Variants in KIF18A observed in about 807,000 individuals in gnomAD.
KIF18A encodes the protein kinesin-like protein KIF18A.
In KIF18A, 67 loss-of-function variants were observed where a neutral mutation model predicts 103.3. That is an observed-to-expected ratio of 0.65 (90% CI 0.53 to 0.79). The LOEUF (loss-of-function observed/expected upper bound fraction) is 0.79, where lower values mean the gene tolerates loss of function less well. KIF18A is among the 30% of genes least tolerant of loss of function. The pLI is 0.00. For missense variants in KIF18A, 1,032 were observed against 1,062.5 expected (o/e 0.97, Z 0.40); for synonymous variants, 367 against 355.5 (o/e 1.03, Z -0.36).
intron 10 of KIF18A, among the ~76,000 whole-genome samples, chr11:28,075,533 T>A (rs2133545297): frequency 6.6e-6 from 1 of 152,328 alleles, no homozygotes; most frequent in South Asian, 2.1e-4. Flanking sequence ...AAGTTTCATG[T>A]GTTTTTTACC....
At chr11:28,083,543 C>T (rs746590916) in intron 7 of KIF18A, among the ~76,000 whole-genome samples, 1 of 152,062 alleles carries the variant, frequency 6.6e-6, no homozygotes, top group Non-Finnish European at 1.5e-5. Flanking sequence ...GTTTTTCATG[C>T]TACCCTTTCA....
intron 6 of KIF18A, among the ~76,000 whole-genome samples, chr11:28,085,834 C>G (rs1364264395): frequency 6.6e-6 from 1 of 152,112 alleles, no homozygotes; most frequent in African/African-American, 2.4e-5. Flanking sequence ...TGCCAAGTCC[C>G]GTAGGGCTTG....
chr11:28,035,208 T>C (rs1358856057), intron 15 of KIF18A, among the ~76,000 whole-genome samples, 179 bp downstream of exon 15: 1 of 151,158 alleles, frequency 6.6e-6, no homozygotes, highest in Non-Finnish European at 1.5e-5. Context: ...AATACTTGAG[T>C]TTTTCAAGAT....
chr11:28,072,904 T>C (rs1464273824), intron 10 of KIF18A, among the ~76,000 whole-genome samples: 1 of 152,084 alleles, frequency 6.6e-6, no homozygotes, highest in Non-Finnish European at 1.5e-5. Context: ...TACTTTGGGA[T>C]TACATAGTCC....
intron 2 of KIF18A, 45 bp from the exon 3 acceptor site, chr11:28,094,845 A>C: frequency 6.4e-7 from 1 of 1,562,750 alleles, no homozygotes; most frequent in Non-Finnish European, 8.8e-7. Flanking sequence ...TATGAAATAT[A>C]ACTCTATTAT....
At chr11:28,066,369 C>A (rs1034972454) in intron 11 of KIF18A, among the ~76,000 whole-genome samples, 1 of 151,922 alleles carries the variant, frequency 6.6e-6, no homozygotes, top group Admixed American at 6.6e-5. Context: ...AACAACATAA[C>A]CATATTTCAG....
intron 15 of KIF18A, among the ~76,000 whole-genome samples, chr11:28,028,819 A>AG (rs1289503221): frequency 6.6e-6 from 1 of 152,202 alleles, no homozygotes; most frequent in Non-Finnish European, 1.5e-5. Context: ...AGAATCAAAT[A>AG]GACACAATAA....
At chr11:28,023,949 C>T (rs1850279386) in intron 15 of KIF18A, 99 bp from the exon 16 acceptor site, 2 of 533,756 alleles carry the variant, frequency 3.7e-6, no homozygotes, top group Admixed American at 3.6e-5. Flanking sequence ...AAATAAAACA[C>T]AAAAATATTA....
Position 28,105,735 on chromosome 11 carries a change from A to G in KIF18A, c.-47+2329T>C, listed in dbSNP as rs745753686. Among the ~76,000 whole-genome samples, 4 of 152,318 alleles carry G rather than the reference A, an allele frequency of 2.6e-5. No individual in the cohort carries two copies. The South Asian group carries it at 6.2e-4, about 24-fold the overall frequency. ...ATTATGATTTCTCTGTACTTGTCAG[A>G]TATCACAGAGTGGCCATTCTCAATA... is the stretch of plus-strand genomic sequence containing the variant. On this transcript the variant is annotated intron_variant, in intron 1 of 16. Transcript: ENST00000263181.
chr11:28,088,635 A>T lies in KIF18A; in HGVS notation c.786T>A (p.Ser262=). ...AKMSLIDLAG[S]ERASTSGAKG... is the part of the protein sequence containing the mutation. Reference sequence around the variant, plus strand: ...TAGCACCGGAAGTACTTGCTCGCTCAGATCCTGCCAGGTCAATGAGTGACA... The same window carrying T: ...TAGCACCGGAAGTACTTGCTCGCTCTGATCCTGCCAGGTCAATGAGTGACA... Residue 262 remains serine, a synonymous_variant, in exon 6 of 17, where the codon TCT becomes TCA. Coordinates refer to ENST00000263181, the MANE Select transcript of KIF18A (RefSeq NM_031217.4). 1 of 1,614,118 alleles carries T rather than the reference A, an allele frequency of 6.2e-7. No homozygotes were observed. The highest frequency in any genetic ancestry group is 8.5e-7 in the Non-Finnish European group (1 of 1,179,958).
At chr11:28,042,772 C>T (rs953160643) in intron 13 of KIF18A, among the ~76,000 whole-genome samples, 4 of 151,656 alleles carry the variant, frequency 2.6e-5, no homozygotes, top group Admixed American at 6.6e-5. Context: ...AGGCATCTAG[C>T]GCCCACTCAG....
At chr11:28,074,505 A>T (rs573893995) in intron 10 of KIF18A, among the ~76,000 whole-genome samples, 2 of 152,284 alleles carry the variant, frequency 1.3e-5, no homozygotes, top group Non-Finnish European at 2.9e-5. Context: ...AAATTTCATT[A>T]AGGCATAAAA....
intron 13 of KIF18A, among the ~76,000 whole-genome samples, chr11:28,047,796 C>T (rs73434491): frequency 3.0e-3 from 458 of 152,102 alleles, no homozygotes; most frequent in African/African-American, 0.01. Context: ...CTTCATTGCT[C>T]CCAAAATGAA....
intron 12 of KIF18A, 37 bp downstream of exon 12, chr11:28,062,358 T>A: frequency 6.4e-7 from 1 of 1,551,750 alleles, no homozygotes. Context: ...TCAGATATAG[T>A]GTTAAAATTG....
intron 2 of KIF18A, among the ~76,000 whole-genome samples, chr11:28,095,283 T>C (rs1490684323): frequency 1.3e-5 from 2 of 152,242 alleles, no homozygotes; most frequent in Non-Finnish European, 1.5e-5. Flanking sequence ...AATTATTCAA[T>C]ACTCTCAGCA....
chr11:28,036,103 A>G (rs1317575739), intron 14 of KIF18A, 114 bp downstream of exon 14: 1 of 630,652 alleles, frequency 1.6e-6, no homozygotes, highest in Middle Eastern at 4.3e-4. Flanking sequence ...TAATGAAAAT[A>G]AAACAGACTG....
chr11:28,078,475 G>T (rs1430799659), intron 9 of KIF18A, among the ~76,000 whole-genome samples: 1 of 152,096 alleles, frequency 6.6e-6, no homozygotes, highest in Non-Finnish European at 1.5e-5. Flanking sequence ...AGGTGGTGGT[G>T]TTCACTGATT....
intron 13 of KIF18A, among the ~76,000 whole-genome samples, chr11:28,038,584 A>G (rs985664413): frequency 1.3e-5 from 2 of 151,768 alleles, no homozygotes; most frequent in Middle Eastern, 3.2e-3. Context: ...ATGCATTTCA[A>G]TAAAGCAATT....
chr11:28,034,531 A>G (rs901631679), intron 15 of KIF18A, among the ~76,000 whole-genome samples: 1 of 151,662 alleles, frequency 6.6e-6, no homozygotes, highest in Non-Finnish European at 1.5e-5. Context: ...TTTTCTGTGA[A>G]AGCCTCATAA....
Sources: gnomAD v4.1 joint callset for allele counts (sites outside exome capture counted in the v4.1 genomes callset) on GRCh38, gnomAD v4.1.1 for gene constraint, MANE v1.5 for transcripts, NCBI Gene and HGNC (gene_info 2026-07-23, HGNC 2026-07-21) for gene names.